LRBA: variants seen among roughly 807,000 people sequenced by gnomAD.
LRBA encodes lipopolysaccharide-responsive and beige-like anchor protein.
Under a neutral mutation model 330.0 loss-of-function variants are expected in LRBA, and 176 were observed. The observed-to-expected ratio is 0.53, with a 90% CI of 0.47 to 0.60. LRBA has a LOEUF of 0.60. LRBA is among the 20% of genes least tolerant of loss of function. The probability of loss-of-function intolerance (pLI) is 0.00; values close to 1 mark genes in which losing one functional copy is unlikely to be tolerated. For missense variants in LRBA, 3,259 were observed against 3,444.8 expected, an observed-to-expected ratio of 0.95 and a Z score of 1.35; for synonymous variants, 1,230 against 1,193.0, an observed-to-expected ratio of 1.03 and a Z score of -0.64.
chr4:150,422,782 T>C, intron 46 of LRBA: 2 of 1,443,496 alleles, frequency 1.4e-6, no homozygotes, highest in Non-Finnish European at 1.9e-6. Context: ...CACTGTTCTT[T>C]CTGGTAGACC....
At chr4:150,358,680 A>G (rs1401333817) in intron 47 of LRBA, among the ~76,000 whole-genome samples, 4 of 152,192 alleles carry the variant, frequency 2.6e-5, no homozygotes, top group Admixed American at 2.6e-4. Flanking sequence ...TAGGTATAGA[A>G]AAATGAATGT....
At chr4:150,533,142 AC>A (rs1452066124) in intron 40 of LRBA, among the ~76,000 whole-genome samples, 1 of 152,080 alleles carries the variant, frequency 6.6e-6, no homozygotes, top group East Asian at 1.9e-4. Context: ...ATATTTGAGC[AC>A]CCGAACTCTA....
chr4:150,830,808 G>C (rs777041387), intron 29 of LRBA, among the ~76,000 whole-genome samples: 3 of 143,990 alleles, frequency 2.1e-5, no homozygotes, highest in Non-Finnish European at 4.5e-5. Flanking sequence ...TGTCACCCAG[G>C]CTGGAGTTGT....
intron 37 of LRBA, 42 bp downstream of exon 37, chr4:150,683,509 C>T: frequency 6.5e-7 from 1 of 1,531,518 alleles, no homozygotes; most frequent in Non-Finnish European, 9.0e-7. Flanking sequence ...CCTAAGCCAT[C>T]TACAGAAAAT....
chr4:150,891,572 A>T (rs1004430797), intron 17 of LRBA, among the ~76,000 whole-genome samples: 1 of 152,234 alleles, frequency 6.6e-6, no homozygotes, highest in Non-Finnish European at 1.5e-5. Context: ...AAATTCACTC[A>T]GCAGACTGCC....
chr4:150,847,970 C>G (rs1349803501), intron 26 of LRBA, among the ~76,000 whole-genome samples: 2 of 152,004 alleles, frequency 1.3e-5, no homozygotes, highest in Non-Finnish European at 2.9e-5. Flanking sequence ...GCATCAACAT[C>G]ACCTGGGACT....
rs1578850906 is a variant in LRBA, at chr4:150,808,496, T to C, written c.5306-98A>G. 1.3e-5 allele frequency: 9 copies of C among 689,810 alleles called. No individual in the cohort carries two copies. The East Asian group carries it at 2.1e-4, about 16-fold the overall frequency. 42.7% of individuals were successfully genotyped at this position (689,810 alleles called of 1,614,324 possible). ...ATTATACCAGTCAATAAAAGCATTA[T>C]AACGTATTTTTATGTCCATTACTAT... On this transcript the variant is annotated intron_variant, in intron 31 of 56. Coordinates refer to ENST00000651943, the MANE Select transcript of LRBA (RefSeq NM_001364905.1).
chr4:150,968,064 G>A (rs1739107654), intron 2 of LRBA, among the ~76,000 whole-genome samples: 1 of 150,214 alleles, frequency 6.7e-6, no homozygotes, highest in Non-Finnish European at 1.5e-5. Flanking sequence ...GAGAGCAGTG[G>A]CGCGATTTCG....
chr4:150,475,528 T>C (rs1282684379), intron 42 of LRBA, among the ~76,000 whole-genome samples: 2 of 152,140 alleles, frequency 1.3e-5, no homozygotes, highest in African/African-American at 4.8e-5. Context: ...TTTCTAAGAA[T>C]TTGTCCGTAT....
intron 47 of LRBA, among the ~76,000 whole-genome samples, chr4:150,403,644 T>G (rs896782156): frequency 7.2e-5 from 11 of 152,136 alleles, no homozygotes; most frequent in Admixed American, 5.9e-4. Context: ...TGAGGTTTTG[T>G]TTATTTCTTT....
intron 37 of LRBA, among the ~76,000 whole-genome samples, chr4:150,639,839 A>ATGTG (rs1371442213): frequency 3.4e-4 from 13 of 37,912 alleles, no homozygotes; most frequent in Middle Eastern, 0.013. Context: ...ATATATATAT[A>ATGTG]TATATATATA....
chr4:150,705,848 G>C (rs1273584087), intron 36 of LRBA, among the ~76,000 whole-genome samples: 22 of 151,884 alleles, frequency 1.4e-4, no homozygotes. Flanking sequence ...ATACTTAGTA[G>C]GGAAACACTG....
intron 40 of LRBA, among the ~76,000 whole-genome samples, chr4:150,516,296 G>A (rs1762355962): frequency 8.3e-6 from 1 of 120,254 alleles, no homozygotes; most frequent in South Asian, 2.8e-4. Context: ...AATGTGGAAT[G>A]ATCAACACAT....
chr4:150,958,845 G>C, intron 2 of LRBA, among the ~76,000 whole-genome samples: 1 of 149,082 alleles, frequency 6.7e-6, no homozygotes, highest in East Asian at 1.9e-4. Flanking sequence ...ACCTCAGCCT[G>C]GACTTTATCG....
chr4:150,448,683 T>C (rs375900884), intron 44 of LRBA, among the ~76,000 whole-genome samples: 84 of 151,048 alleles, frequency 5.6e-4, no homozygotes, highest in African/African-American at 2.0e-3. Context: ...GCACCTGTAA[T>C]ACCAGCTACT....
intron 2 of LRBA, among the ~76,000 whole-genome samples, chr4:150,995,999 T>C (rs1742590747): frequency 6.6e-6 from 1 of 151,654 alleles, no homozygotes; most frequent in Admixed American, 6.6e-5. Context: ...ATCTGGGTCT[T>C]GTGTGAGCAA....
At chr4:150,907,833 C>T (rs1277360520) in intron 11 of LRBA, among the ~76,000 whole-genome samples, 2 of 151,970 alleles carry the variant, frequency 1.3e-5, no homozygotes, top group African/African-American at 4.8e-5. Flanking sequence ...CAAAAATGTG[C>T]TAAATGTACA....
intron 36 of LRBA, among the ~76,000 whole-genome samples, chr4:150,695,417 G>C (rs1219772853): frequency 6.6e-6 from 1 of 152,066 alleles, no homozygotes; most frequent in Non-Finnish European, 1.5e-5. Flanking sequence ...CCATCTCCCA[G>C]GTTCACGCAA....
chr4:150,627,269 CCTGA>C (rs1267180255), intron 37 of LRBA, among the ~76,000 whole-genome samples: 8 of 151,804 alleles, frequency 5.3e-5, no homozygotes, highest in Middle Eastern at 3.2e-3. Context: ...CTAAGGTACT[CCTGA>C]CTGTGTGCTG....
Sources: gnomAD v4.1 joint callset for allele counts (sites outside exome capture counted in the v4.1 genomes callset) on GRCh38, gnomAD v4.1.1 for gene constraint, MANE v1.5 for transcripts, NCBI Gene and HGNC (gene_info 2026-07-23, HGNC 2026-07-21) for gene names.